AHNAK2: variants seen among roughly 807,000 people sequenced by gnomAD.
AHNAK2 encodes the protein AHNAK nucleoprotein 2.
Under a neutral mutation model 30.7 loss-of-function variants are expected in AHNAK2, and 18 were observed. The ratio of observed to expected loss-of-function variants is 0.59; its 90% CI spans 0.41 to 0.87. The LOEUF (loss-of-function observed/expected upper bound fraction) is 0.87, where lower values mean the gene tolerates loss of function less well. Among genes scored for constraint, AHNAK2 ranks in the 40% least tolerant of loss-of-function variants. The probability of loss-of-function intolerance (pLI) is 0.00; values close to 1 mark genes in which losing one functional copy is unlikely to be tolerated. For missense variants in AHNAK2, 8,604 were observed against 7,373.0 expected (o/e 1.17, Z -6.11); for synonymous variants, 3,590 against 3,073.8 (o/e 1.17, Z -5.56).
At chr14:104,973,768 G>C (rs904565678) in intron 1 of AHNAK2, among the ~76,000 whole-genome samples, 3 of 152,208 alleles carry the variant, frequency 2.0e-5, no homozygotes, top group African/African-American at 7.2e-5. Context: ...CTGCAGGAAG[G>C]AGTCCCTCCC....
Position 104,937,336 on chromosome 14 carries a change from G to T in AHNAK2, c.*727C>A, listed in dbSNP as rs1335740225. On this transcript the variant is annotated 3_prime_UTR_variant, in exon 7 of 7. Coordinates refer to ENST00000333244, the MANE Select transcript of AHNAK2 (RefSeq NM_138420.4). ...CATTCTGGCTGCAGCGTGTACATTA[G>T]GGGACTCAGGGGCCACAGTGTGGGA... 6.6e-6 allele frequency: 1 copy of T among 152,260 alleles called. No homozygotes were observed. The highest frequency in any genetic ancestry group is 1.5e-5 in the Non-Finnish European group (1 of 68,070). The allele number at this position is 152,260 out of a possible 1,614,324, so 9.4% of individuals were successfully genotyped here. A position where few individuals can be genotyped will look rare whatever the true frequency, so the allele number is the denominator to read the frequency against.
In AHNAK2 at chr14:104,949,768, G is replaced by C; in HGVS notation, c.5683C>G (p.Gln1895Glu). The C allele has an allele frequency of 6.3e-7, 1 of 1,587,680 alleles. No homozygotes were observed. Among genetic ancestry groups the C allele is most frequent in the Non-Finnish European group, 8.6e-7 (1 of 1,163,244 alleles). ...GQVDMKLPEG[Q>E]VPEGAGLKGH... Reference sequence around the variant, plus strand: ...TTGAGGCCGGCTCCCTCGGGCACCTGGCCCTCCGGGAGCTTCATGTCCACT... The same window carrying C: ...TTGAGGCCGGCTCCCTCGGGCACCTCGCCCTCCGGGAGCTTCATGTCCACT... Residue 1895 changes from glutamine (Q) to glutamate (E), a missense_variant, in exon 7 of 7, where the codon CAG (glutamine) becomes GAG (glutamate). Gln to Glu is a conservative substitution (Grantham distance 29). Transcript: ENST00000333244.
At chr14:104,957,334 A>C in intron 3 of AHNAK2, 76 bp downstream of exon 3, 1 of 1,357,222 alleles carries the variant, frequency 7.4e-7, no homozygotes, top group East Asian at 2.5e-5. Flanking sequence ...GGTTGAACAG[A>C]CATGCGTGAG....
rs1366111065 is a variant in AHNAK2 at position 104,947,335 on chromosome 14, C to G, written c.8116G>C (p.Glu2706Gln). ...ISIQPPSAQL[E>Q]VQAGQVDVKL... The stretch of plus-strand genomic sequence containing the variant: ...ACATCCACCTGGCCAGCCTGGACCT[C>G]CAGTTGGGCAGAGGGGGGCTGAATG... The change falls in exon 7 of 7, where the codon GAG becomes CAG. Residue 2706 changes from glutamate to glutamine, a missense_variant. By Grantham distance (29) the Glu-to-Gln change is conservative (BLOSUM62 2). Coordinates refer to ENST00000333244, the MANE Select transcript of AHNAK2 (RefSeq NM_138420.4). The G allele has an allele frequency of 6.2e-7, 1 of 1,612,460 alleles. No individual in the cohort carries two copies. Among genetic ancestry groups the G allele is most frequent in the Admixed American group, 1.7e-5 (1 of 59,900 alleles).
intron 1 of AHNAK2, among the ~76,000 whole-genome samples, chr14:104,961,251 A>C (rs1434182091): frequency 6.6e-6 from 1 of 152,078 alleles, no homozygotes; most frequent in East Asian, 1.9e-4. Context: ...ACGGTGGCTC[A>C]CGCCTGTAAT....
chr14:104,970,561 T>G (rs1214485591), intron 1 of AHNAK2: 1 of 975,944 alleles, frequency 1.0e-6, no homozygotes, highest in African/African-American at 1.8e-5. Flanking sequence ...CTCCCCCCAT[T>G]GTCCCGCCTC....
intron 4 of AHNAK2, 28 bp downstream of exon 4, chr14:104,956,560 T>A (rs1898979690): frequency 6.2e-7 from 1 of 1,610,168 alleles, no homozygotes; most frequent in South Asian, 1.1e-5. Flanking sequence ...GACACACCTC[T>A]GTGACCCTCA....
rs1467916890 is a variant in AHNAK2 at position 104,942,910 on chromosome 14, G to T, written c.12541C>A (p.Leu4181Ile). Reference sequence around the variant, plus strand: ...TCGGCGGAAGGGGACTGAATGCTGAGGTCAGTGGTCTTGAGGTCCCCCTGC... The same window carrying T: ...TCGGCGGAAGGGGACTGAATGCTGATGTCAGTGGTCTTGAGGTCCCCCTGC... The part of the protein sequence containing the change: ...SMQGDLKTTD[L>I]SIQSPSADLE... The change falls in exon 7 of 7, where the codon CTC (leucine) becomes ATC (isoleucine). Residue 4181 changes from leucine to isoleucine, a missense_variant. Transcript: ENST00000333244. 6.2e-7 allele frequency: 1 copy of T among 1,613,064 alleles called. No individual in the cohort carries two copies. The highest frequency in any genetic ancestry group is 1.6e-4 in the Middle Eastern group (1 of 6,070).
At position 104,955,518 on chromosome 14, in the gene AHNAK2, T is replaced by C; in HGVS notation, c.431A>G (p.Asp144Gly). 6.2e-7 allele frequency: 1 copy of C among 1,613,164 alleles called. No homozygotes were observed. Among genetic ancestry groups the C allele is most frequent in the Non-Finnish European group, 8.5e-7 (1 of 1,179,700 alleles). ...GTTAAAAAGCTTGGCGGCTGAGGAG[T>C]CCTTCAGCACTTGCTTGACGAAGAT... is the stretch of plus-strand genomic sequence containing the variant. ...QGIFVKQVLK[D>G]SSAAKLFNLR... The change falls in exon 5 of 7, where the codon GAC (aspartate) becomes GGC (glycine). Residue 144 changes from aspartate (D) to glycine (G), a missense_variant. Coordinates refer to ENST00000333244, the MANE Select transcript of AHNAK2 (RefSeq NM_138420.4).
chr14:104,943,955 C>T lies in AHNAK2; in HGVS notation c.11496G>A (p.Lys3832=), dbSNP rs768220456. ...IEASVHVSAP[K]VEADVSLPSM... The stretch of plus-strand genomic sequence containing the variant: ...AGGGGAGACTCACATCGGCCTCCAC[C>T]TTGGGTGCAGACACGTGCACCGAGG... Residue 3832 remains lysine, a synonymous_variant, in exon 7 of 7, where the codon AAG becomes AAA. Coordinates refer to ENST00000333244, the MANE Select transcript of AHNAK2 (RefSeq NM_138420.4). 8 of 1,612,688 alleles carry T rather than the reference C, an allele frequency of 5.0e-6. No homozygotes were observed. The highest frequency in any genetic ancestry group is 1.7e-5 in the Admixed American group (1 of 59,906).
rs746275213 is a variant in AHNAK2 at position 104,943,431 on chromosome 14, A to T, written c.12020T>A (p.Met4007Lys). 1 of 1,613,204 alleles carries T rather than the reference A, an allele frequency of 6.2e-7. No individual in the cohort carries two copies. The stretch of plus-strand genomic sequence containing the variant: ...GTCAGTGGCCTTGAGGTCCCCCTGC[A>T]TGGAAGGGAGGCTCACGTCGGCCTC... ...KVEADVSLPS[M>K]QGDLKATDLS... Residue 4007 changes from methionine to lysine, a missense_variant, in exon 7 of 7, where the codon ATG (methionine) becomes AAG (lysine). Transcript: ENST00000333244.
At position 104,946,719 on chromosome 14, in the gene AHNAK2, A is replaced by T. The variant is rs186180942; in HGVS notation, c.8732T>A (p.Leu2911His). ...MPSFKMPKVD[L>H]KGPQIDVKGP... is the part of the protein sequence containing the mutation. ...CTTGACGTCTATCTGGGGGCCCTTG[A>T]GATCCACTTTGGGCATCTTGAAACT... Residue 2911 changes from leucine (L) to histidine (H), a missense_variant, in exon 7 of 7, where the codon CTC (leucine) becomes CAC (histidine). Coordinates refer to ENST00000333244, the MANE Select transcript of AHNAK2 (RefSeq NM_138420.4). The T allele has an allele frequency of 7.5e-4, 1,203 of 1,605,316 alleles. No homozygotes were observed. In the African/African-American group the frequency reaches 0.014, roughly 18 times the overall value.
chr14:104,949,836 C>A lies in AHNAK2; in HGVS notation c.5615G>T (p.Cys1872Phe). 6.3e-7 allele frequency: 1 copy of A among 1,587,446 alleles called. No homozygotes were observed. The highest frequency in any genetic ancestry group is 1.1e-5 in the South Asian group (1 of 90,028). ...MQGDLKTTDL[C>F]IPLPSADLVV... ...CAGGTCTGCAGAAGGGAGCGGAATG[C>A]AGAGGTCCGTGGTCTTGAGGTCCCC... Residue 1872 changes from cysteine (C) to phenylalanine (F), a missense_variant, in exon 7 of 7, where the codon TGC becomes TTC. Coordinates refer to ENST00000333244, the MANE Select transcript of AHNAK2 (RefSeq NM_138420.4).
In AHNAK2 at chr14:104,978,123, C is replaced by T. The variant is rs1425484580; in HGVS notation, c.55+60G>A. On this transcript the variant is annotated intron_variant, in intron 1 of 6. Coordinates refer to ENST00000333244, the MANE Select transcript of AHNAK2 (RefSeq NM_138420.4). The stretch of plus-strand genomic sequence containing the variant: ...GCGCCCCTGGACACGCCCCGGCGCG[C>T]GCCCTCGCGCGTAGCCCACCCGCCC... 3.4e-6 allele frequency: 4 copies of T among 1,192,192 alleles called. No homozygotes were observed. In the African/African-American group the frequency reaches 4.8e-5, roughly 14 times the overall value. The allele number at this position is 1,192,192 out of a possible 1,614,324, so 73.9% of individuals were successfully genotyped here. A position where few individuals can be genotyped will look rare whatever the true frequency, so the allele number is the denominator to read the frequency against.
Position 104,941,886 on chromosome 14 carries a change from A to G in AHNAK2, c.13565T>C (p.Val4522Ala), listed in dbSNP as rs1348433600. The G allele has an allele frequency of 6.2e-7, 1 of 1,613,026 alleles. No homozygotes were observed. The highest frequency in any genetic ancestry group is 1.7e-5 in the Admixed American group (1 of 59,954). ...TTTCAAGTCCACCTGGCCAGCCTGG[A>G]CCTCCAGGTCGGCGGAAGGGGCCTG... is the stretch of plus-strand genomic sequence containing the variant. ...RIQAPSADLE[V>A]QAGQVDLKLP... is the part of the protein sequence containing the mutation. Residue 4522 changes from valine to alanine, a missense_variant, in exon 7 of 7, where the codon GTC becomes GCC. Transcript: ENST00000333244.
rs1418834881 is a variant in AHNAK2, at chr14:104,949,730, G to C, written c.5721C>G (p.Pro1907=). The stretch of plus-strand genomic sequence containing the variant: ...TCTTGAAACTGGGCATATCCACCTT[G>C]GGCAAGTGCCCTTTGAGGCCGGCTC... ...PEGAGLKGHL[P]KVDMPSFKMP... is the part of the protein sequence containing the mutation. Residue 1907 remains proline, a synonymous_variant, in exon 7 of 7, where the codon CCC becomes CCG. Transcript: ENST00000333244. The C allele has an allele frequency of 6.3e-7, 1 of 1,587,494 alleles. No homozygotes were observed. The highest frequency in any genetic ancestry group is 1.7e-5 in the Admixed American group (1 of 57,518).
In AHNAK2 at chr14:104,943,493, G is replaced by A. The variant is rs771637352; in HGVS notation, c.11958C>T (p.Ser3986=). 2 of 1,613,128 alleles carry A rather than the reference G, an allele frequency of 1.2e-6. No homozygotes were observed. Among genetic ancestry groups the A allele is most frequent in the South Asian group, 2.2e-5 (2 of 91,032 alleles). ...PSFGVSAPGK[S]MEASVDVTAP... ...CGGTCACATCCACTGATGCCTCCAT[G>A]GACTTGCCTGGGGCAGACACCCCGA... Residue 3986 remains serine (S), a synonymous_variant, in exon 7 of 7, where the codon TCC becomes TCT. Transcript: ENST00000333244.
At chr14:104,977,791 G>A (rs1366613038) in intron 1 of AHNAK2, among the ~76,000 whole-genome samples, 1 of 152,172 alleles carries the variant, frequency 6.6e-6, no homozygotes, top group Non-Finnish European at 1.5e-5. Context: ...TCCAGAGTGC[G>A]GTAGCACCTC....
chr14:104,948,466 C>T lies in AHNAK2; in HGVS notation c.6985G>A (p.Gly2329Arg), dbSNP rs1255430344. The T allele has an allele frequency of 6.2e-7, 1 of 1,610,726 alleles. No individual in the cohort carries two copies. The highest frequency in any genetic ancestry group is 8.5e-7 in the Non-Finnish European group (1 of 1,178,640). The stretch of plus-strand genomic sequence containing the variant: ...ATGGACTTGCCAAGGGCAGACACCC[C>T]AAACGACAGCATCTTGAACTTGGGC... ...KMPKFKMLSFGVSALGKSIEA... is the reference protein window; with the variant it reads ...KMPKFKMLSFRVSALGKSIEA... Residue 2329 changes from glycine to arginine, a missense_variant, in exon 7 of 7, where the codon GGG (glycine) becomes AGG (arginine). By Grantham distance (125) the Gly-to-Arg change is moderately radical (BLOSUM62 -2). Coordinates refer to ENST00000333244, the MANE Select transcript of AHNAK2 (RefSeq NM_138420.4).
Sources: gnomAD v4.1 joint callset for allele counts (sites outside exome capture counted in the v4.1 genomes callset) on GRCh38, gnomAD v4.1.1 for gene constraint, MANE v1.5 for transcripts, NCBI Gene and HGNC (gene_info 2026-07-23, HGNC 2026-07-21) for gene names.